The following LHFPL2 variants were observed in gnomAD, a reference collection of about 807,000 sequenced individuals.
The protein encoded by LHFPL2 is LHFPL tetraspan subfamily member 2, also known as LHFPL tetraspan subfamily member 2 protein.
Under a neutral mutation model 17.5 loss-of-function variants are expected in LHFPL2, and 7 were observed. The observed-to-expected ratio is 0.40, with a 90% CI of 0.23 to 0.75. The LOEUF (loss-of-function observed/expected upper bound fraction) is 0.75. Among genes scored for constraint, LHFPL2 ranks in the 30% least tolerant of loss-of-function variants. The pLI is 0.37. For missense variants in LHFPL2, 241 were observed against 294.8 expected (o/e 0.82, Z 1.34); for synonymous variants, 134 against 116.2 (o/e 1.15, Z -0.99).
chr5:78,627,907 A>C (rs1745109709), intron 2 of LHFPL2, among the ~76,000 whole-genome samples: 2 of 152,206 alleles, frequency 1.3e-5, no homozygotes, highest in Non-Finnish European at 2.9e-5. Context: ...GCAAAAGACT[A>C]AGTCCCAACT....
chr5:78,503,354 A>C (rs1754830740), intron 4 of LHFPL2, among the ~76,000 whole-genome samples: 1 of 152,232 alleles, frequency 6.6e-6, no homozygotes, highest in African/African-American at 2.4e-5. Flanking sequence ...CAGAATTTTA[A>C]GAGAGTTTGC....
At position 78,556,300 on chromosome 5, in the gene LHFPL2, A is replaced by G. The variant is rs543132179; in HGVS notation, c.-186+8513T>C. ...AGGTCATAAATGTCACTATTATCATAAATGAGAGTTTCACCTAAAGGACAA... is the reference window on the plus strand; with the variant it reads ...AGGTCATAAATGTCACTATTATCATGAATGAGAGTTTCACCTAAAGGACAA... On this transcript the variant is annotated intron_variant, in intron 3 of 4. Transcript: ENST00000380345. Among the ~76,000 whole-genome samples, 424 of 152,388 alleles carry G rather than the reference A, an allele frequency of 2.8e-3. 2 individuals are homozygous for G. Among genetic ancestry groups the G allele is most frequent in the Non-Finnish European group, 4.7e-3 (323 of 68,042 alleles).
At chr5:78,546,701 TCA>T (rs1401895436) in intron 3 of LHFPL2, among the ~76,000 whole-genome samples, 2 of 152,202 alleles carry the variant, frequency 1.3e-5, no homozygotes, top group Non-Finnish European at 2.9e-5. Flanking sequence ...TACTTAGAGG[TCA>T]CAGTCTGCGT....
At chr5:78,644,785 T>C (rs1009303783) in intron 1 of LHFPL2, 11 of 231,834 alleles carry the variant, frequency 4.7e-5, no homozygotes, top group African/African-American at 2.5e-4. Context: ...TCCCAACAAG[T>C]GTGGACAAAG....
At chr5:78,599,278 G>A (rs1359434398) in intron 2 of LHFPL2, among the ~76,000 whole-genome samples, 1 of 152,108 alleles carries the variant, frequency 6.6e-6, no homozygotes, top group Non-Finnish European at 1.5e-5. Flanking sequence ...TGAAAGCGAA[G>A]AATAAACCCT....
Position 78,509,860 on chromosome 5 carries a change from G to T in LHFPL2, c.354C>A (p.Ser118=), listed in dbSNP as rs1467095019. The change falls in exon 4 of 5, where the codon TCC becomes TCA. Residue 118 remains serine (S), a synonymous_variant. Coordinates refer to ENST00000380345, the MANE Select transcript of LHFPL2 (RefSeq NM_005779.3). ...TGCTCTGTACACACATGGTGAAGAC[G>T]GACACCAAGGCCACCATGCAGAGAA... ...IFILCMVALV[S]VFTMCVQSIM... 6.2e-7 allele frequency: 1 copy of T among 1,613,964 alleles called. No individual in the cohort carries two copies. Among genetic ancestry groups the T allele is most frequent in the African/African-American group, 1.3e-5 (1 of 75,070 alleles).
chr5:78,533,668 T>C (rs1413151704), intron 3 of LHFPL2, among the ~76,000 whole-genome samples: 1 of 146,162 alleles, frequency 6.8e-6, no homozygotes, highest in Non-Finnish European at 1.5e-5. Context: ...TGCCTGCTTG[T>C]AGGGGCTAAG....
At position 78,528,199 on chromosome 5, in the gene LHFPL2, C is replaced by T. The variant is rs1398160563; in HGVS notation, c.-185-17801G>A. On this transcript the variant is annotated intron_variant, in intron 3 of 4. Coordinates refer to ENST00000380345, the MANE Select transcript of LHFPL2 (RefSeq NM_005779.3). The stretch of plus-strand genomic sequence containing the variant: ...TTGTTCTAACTCAACTCTGCTGACA[C>T]ACTCTCCATTTTATGCTCTAAGACT... 3.7e-4 allele frequency among the ~76,000 whole-genome samples: 57 copies of T among 152,224 alleles called. 1 individual carries two copies. The highest frequency in any genetic ancestry group is 3.7e-3 in the Admixed American group (56 of 15,284).
At chr5:78,515,568 T>C (rs1395958126) in intron 3 of LHFPL2, among the ~76,000 whole-genome samples, 1 of 152,218 alleles carries the variant, frequency 6.6e-6, no homozygotes, top group Non-Finnish European at 1.5e-5. Flanking sequence ...AATTAGAATG[T>C]ATGTGCTTTT....
chr5:78,623,253 G>C (rs1744920069), intron 2 of LHFPL2, among the ~76,000 whole-genome samples: 1 of 152,136 alleles, frequency 6.6e-6, no homozygotes, highest in African/African-American at 2.4e-5. Context: ...CAATCTTCTT[G>C]CTTATTAACA....
At chr5:78,584,891 C>T (rs62378363) in intron 2 of LHFPL2, among the ~76,000 whole-genome samples, 9 of 151,806 alleles carry the variant, frequency 5.9e-5, no homozygotes, top group African/African-American at 1.9e-4. Context: ...GCCTCGCTGC[C>T]GCCTTGCAGT....
intron 2 of LHFPL2, among the ~76,000 whole-genome samples, chr5:78,573,109 A>G (rs1757044694): frequency 6.6e-6 from 1 of 152,076 alleles, no homozygotes; most frequent in Admixed American, 6.5e-5. Flanking sequence ...GCTTCTCATT[A>G]TCTAGTGGGG....
chr5:78,527,090 A>G (rs1400305020), intron 3 of LHFPL2, among the ~76,000 whole-genome samples: 1 of 152,188 alleles, frequency 6.6e-6, no homozygotes, highest in African/African-American at 2.4e-5. Context: ...TTAATTTGGG[A>G]AATATTTGGT....
intron 2 of LHFPL2, among the ~76,000 whole-genome samples, chr5:78,617,026 T>C (rs1298666370): frequency 6.7e-6 from 1 of 149,738 alleles, no homozygotes; most frequent in East Asian, 2.0e-4. Flanking sequence ...AGAGTTTCTC[T>C]TTTTTTTTTC....
chr5:78,643,279 G>T (rs1022414239), intron 1 of LHFPL2, among the ~76,000 whole-genome samples: 1 of 151,880 alleles, frequency 6.6e-6, no homozygotes, highest in South Asian at 2.1e-4. Flanking sequence ...GAAAAAAAAA[G>T]AAAAAACAAA....
At chr5:78,582,313 C>A (rs1367265630) in intron 2 of LHFPL2, among the ~76,000 whole-genome samples, 1 of 150,968 alleles carries the variant, frequency 6.6e-6, no homozygotes, top group Non-Finnish European at 1.5e-5. Flanking sequence ...TTAGTTATTT[C>A]TTGCCTTCTG....
intron 4 of LHFPL2, among the ~76,000 whole-genome samples, chr5:78,496,852 CAAGGGTG>C (rs1754622790): frequency 6.6e-6 from 1 of 152,204 alleles, no homozygotes; most frequent in East Asian, 1.9e-4. Flanking sequence ...AGTCTAAACA[CAAGGGTG>C]CCCAGGGCTC....
chr5:78,536,108 AAG>A (rs1225360482), intron 3 of LHFPL2, among the ~76,000 whole-genome samples: 1 of 152,208 alleles, frequency 6.6e-6, no homozygotes. Flanking sequence ...AGGCCAATGC[AAG>A]AGAGTCTCAA....
intron 2 of LHFPL2, among the ~76,000 whole-genome samples, chr5:78,612,688 A>G (rs1391440752): frequency 2.6e-5 from 4 of 152,210 alleles, no homozygotes; most frequent in Admixed American, 1.3e-4. Context: ...TCCTTGCCCC[A>G]ATCCCCAGAA....
Sources: gnomAD v4.1 joint callset for allele counts (sites outside exome capture counted in the v4.1 genomes callset) on GRCh38, gnomAD v4.1.1 for gene constraint, MANE v1.5 for transcripts, NCBI Gene and HGNC (gene_info 2026-07-23, HGNC 2026-07-21) for gene names.